Variants in SPCS1 observed in about 807,000 individuals in gnomAD.
The protein encoded by SPCS1 is SPase 12 kDa subunit.
SPCS1 carries 10 observed loss-of-function variants against 16.4 expected under a neutral mutation model. The ratio of observed to expected loss-of-function variants is 0.61; its 90% CI spans 0.38 to 1.03. The LOEUF is 1.03. Ranked by LOEUF, SPCS1 falls within the 50% of genes least tolerant of loss-of-function variation. The pLI is 0.01. For synonymous variants in SPCS1, 47 were observed against 42.5 expected (o/e 1.10, Z -0.41); for missense variants, 118 against 123.8 (o/e 0.95, Z 0.22).
chr3:52,707,565 A>ATT (rs34636695), intron 3 of SPCS1, 122 bp from the exon 4 acceptor site: 35 of 898,122 alleles, frequency 3.9e-5, no homozygotes, highest in South Asian at 3.5e-4. Context: ...AGGAATATGG[A>ATT]TTTTTTTTTT....
chr3:52,706,331 G>A (rs1482986441), intron 1 of SPCS1, 49 bp downstream of exon 1: 1 of 1,564,462 alleles, frequency 6.4e-7, no homozygotes, highest in Admixed American at 1.7e-5. Flanking sequence ...GTGCCTGGCA[G>A]CTTCGAAGCC....
chr3:52,708,878 C>T lies in SPCS1; in HGVS notation c.*1066C>T, dbSNP rs1425102166. On this transcript the variant is annotated 3_prime_UTR_variant, in exon 4 of 4. Transcript: ENST00000619898. ...AAATCAAAACTTCTAAAAGAGAAAA[C>T]CGAAATCAGAATTACTGACACTTTA... is the stretch of plus-strand genomic sequence containing the variant. 1.3e-5 allele frequency: 2 copies of T among 152,162 alleles called. No homozygotes were observed. Among genetic ancestry groups the T allele is most frequent in the South Asian group, 2.1e-4 (1 of 4,822 alleles). 9.4% of individuals were successfully genotyped at this position (152,162 alleles called of 1,614,324 possible).
At position 52,710,899 on chromosome 3, in the gene SPCS1, T is replaced by C. The variant is rs1001421654; in HGVS notation, c.*3087T>C. On this transcript the variant is annotated 3_prime_UTR_variant, in exon 4 of 4. Coordinates refer to ENST00000619898, the MANE Select transcript of SPCS1 (RefSeq NM_014041.5). ...TTCCTAGATGGGTATTACCTCTTATTAAACAACTAATAAAATATGTGCTAT... is the reference window on the plus strand; with the variant it reads ...TTCCTAGATGGGTATTACCTCTTATCAAACAACTAATAAAATATGTGCTAT... The C allele has an allele frequency of 6.6e-6, 1 of 152,476 alleles. No individual in the cohort carries two copies. Among genetic ancestry groups the C allele is most frequent in the African/African-American group, 2.4e-5 (1 of 41,466 alleles). 9.4% of individuals were successfully genotyped at this position (152,476 alleles called of 1,614,324 possible).
chr3:52,709,772 A>ATACAT lies in SPCS1; in HGVS notation c.*1963_*1967dup, dbSNP rs1453783933. 6.6e-6 allele frequency: 1 copy of ATACAT among 151,950 alleles called. No individual in the cohort carries two copies. The highest frequency in any genetic ancestry group is 1.9e-4 in the East Asian group (1 of 5,198). 9.4% of individuals were successfully genotyped at this position (151,950 alleles called of 1,614,324 possible). ...CTAATAAAATACCTACTTTATACCA[A>ATACAT]TACATTAGAAAAATTAAGTAAAACT... On this transcript the variant is annotated 3_prime_UTR_variant, in exon 4 of 4. Transcript: ENST00000619898.
rs1161375216 is a variant in SPCS1, at chr3:52,707,758, A to T, written c.255A>T (p.Thr85=). ...LKWLPVQESS[T]DDKKPGERKI... ...GGTTACCTGTTCAAGAATCAAGCAC[A>T]GACGACAAGAAACCAGGGGAAAGAA... is the stretch of plus-strand genomic sequence containing the variant. Residue 85 remains threonine, a synonymous_variant, in exon 4 of 4, where the codon ACA becomes ACT. Coordinates refer to ENST00000619898, the MANE Select transcript of SPCS1 (RefSeq NM_014041.5). 6.2e-7 allele frequency: 1 copy of T among 1,614,058 alleles called. No homozygotes were observed. The highest frequency in any genetic ancestry group is 8.5e-7 in the Non-Finnish European group (1 of 1,180,038).
At chr3:52,707,147 G>A (rs932896656) in intron 3 of SPCS1, 1 of 386,726 alleles carries the variant, frequency 2.6e-6, no homozygotes, top group African/African-American at 2.1e-5. Flanking sequence ...TGCTCACGTT[G>A]TCCCTTCACC....
At chr3:52,706,928 T>C in intron 3 of SPCS1, 49 bp downstream of exon 3, 1 of 1,415,722 alleles carries the variant, frequency 7.1e-7, no homozygotes, top group African/African-American at 1.4e-5. Context: ...GTGAGTCGGG[T>C]TGGTTTGGTT....
intron 1 of SPCS1, 131 bp downstream of exon 1, chr3:52,706,413 T>G: frequency 9.7e-7 from 1 of 1,028,192 alleles, no homozygotes; most frequent in Non-Finnish European, 1.4e-6. Flanking sequence ...CTTTCCCGAA[T>G]TGCCTCCTGG....
chr3:52,706,940 G>C (rs1002695285), intron 3 of SPCS1, 61 bp downstream of exon 3: 2 of 1,208,704 alleles, frequency 1.7e-6, no homozygotes, highest in South Asian at 2.4e-5. Flanking sequence ...GGTTTGGTTA[G>C]ACCTACTCAG....
rs2097347270 is a variant in SPCS1, at chr3:52,708,684, C to T, written c.*872C>T. ...AATAGACAAGTGATTTTGTATTTAA[C>T]ATTTCACCTTTATTGAATGCCTATA... is the stretch of plus-strand genomic sequence containing the variant. On this transcript the variant is annotated 3_prime_UTR_variant, in exon 4 of 4. Coordinates refer to ENST00000619898, the MANE Select transcript of SPCS1 (RefSeq NM_014041.5). The T allele has an allele frequency of 1.3e-5, 2 of 151,966 alleles. No individual in the cohort carries two copies. The highest frequency in any genetic ancestry group is 4.8e-5 in the African/African-American group (2 of 41,380). The allele number at this position is 151,966 out of a possible 1,614,324, so 9.4% of individuals were successfully genotyped here.
Position 52,708,905 on chromosome 3 carries a change from G to A in SPCS1, c.*1093G>A, listed in dbSNP as rs1183358079. 1 of 152,140 alleles carries A rather than the reference G, an allele frequency of 6.6e-6. No individual in the cohort carries two copies. Among genetic ancestry groups the A allele is most frequent in the Non-Finnish European group, 1.5e-5 (1 of 68,044 alleles). The allele number at this position is 152,140 out of a possible 1,614,324, so 9.4% of individuals were successfully genotyped here. On this transcript the variant is annotated 3_prime_UTR_variant, in exon 4 of 4. Coordinates refer to ENST00000619898, the MANE Select transcript of SPCS1 (RefSeq NM_014041.5). ...GAAATCAGAATTACTGACACTTTAG[G>A]CCAGGCATGGTGCCTCAAGCCTGTA... is the stretch of plus-strand genomic sequence containing the variant.
At position 52,706,787 on chromosome 3, in the gene SPCS1, C is replaced by G. The variant is rs750515311; in HGVS notation, c.97-6C>G. ...AGTGTGTTTAATATACTTCATTTGTCTCTAGATAGTTGGATTTATCTACGG... is the reference window on the plus strand; with the variant it reads ...AGTGTGTTTAATATACTTCATTTGTGTCTAGATAGTTGGATTTATCTACGG... On this transcript the variant is annotated splice_region_variant and splice_polypyrimidine_tract_variant and intron_variant, in intron 2 of 3. Transcript: ENST00000619898. 2 of 1,613,338 alleles carry G rather than the reference C, an allele frequency of 1.2e-6. No homozygotes were observed. Among genetic ancestry groups the G allele is most frequent in the Admixed American group, 3.3e-5 (2 of 60,018 alleles).
At chr3:52,707,574 TTTG>T (rs1553913314) in intron 3 of SPCS1, 110 bp from the exon 4 acceptor site, 1 of 1,136,546 alleles carries the variant, frequency 8.8e-7, no homozygotes, top group Non-Finnish European at 1.3e-6. Context: ...GATTTTTTTT[TTTG>T]TTTTTTTGTT....
At position 52,707,521 on chromosome 3, in the gene SPCS1, G is replaced by A. The variant is rs148763875; in HGVS notation, c.184-166G>A. On this transcript the variant is annotated intron_variant, in intron 3 of 3. Coordinates refer to ENST00000619898, the MANE Select transcript of SPCS1 (RefSeq NM_014041.5). Reference sequence around the variant, plus strand: ...GTGAGCCTGTTCCCATCATCATACAGTATTTTGCATGGATGGTGGCACAGA... The same window carrying A: ...GTGAGCCTGTTCCCATCATCATACAATATTTTGCATGGATGGTGGCACAGA... The A allele has an allele frequency of 1.0e-3, 688 of 661,040 alleles. 1 individual carries two copies. The African/African-American group carries it at 0.012, about 11-fold the overall frequency. The allele number at this position is 661,040 out of a possible 1,614,324, so 40.9% of individuals were successfully genotyped here.
chr3:52,707,096 G>A, intron 3 of SPCS1: 1 of 552,424 alleles, frequency 1.8e-6, no homozygotes, highest in Admixed American at 3.3e-5. Context: ...GGCTACTCTG[G>A]CTAATAATCT....
rs759543942 is a variant in SPCS1, at chr3:52,707,776, G to A, written c.273G>A (p.Gly91=). Residue 91 remains glycine, a synonymous_variant, in exon 4 of 4, where the codon GGG becomes GGA. Transcript: ENST00000619898. Reference sequence around the variant, plus strand: ...CAAGCACAGACGACAAGAAACCAGGGGAAAGAAAAATTAAGAGGCATGCTA... The same window carrying A: ...CAAGCACAGACGACAAGAAACCAGGAGAAAGAAAAATTAAGAGGCATGCTA... ...QESSTDDKKP[G]ERKIKRHAKN... 3 of 1,614,014 alleles carry A rather than the reference G, an allele frequency of 1.9e-6. No homozygotes were observed. Among genetic ancestry groups the A allele is most frequent in the Non-Finnish European group, 1.7e-6 (2 of 1,180,002 alleles).
In SPCS1 at chr3:52,708,967, C is replaced by T. The variant is rs2097347542; in HGVS notation, c.*1155C>T. Reference sequence around the variant, plus strand: ...TAGGGAGGCCAAGGCAGGCAGATCACCTGAGGTCAGGAGTTCAAGACCAGC... The same window carrying T: ...TAGGGAGGCCAAGGCAGGCAGATCATCTGAGGTCAGGAGTTCAAGACCAGC... On this transcript the variant is annotated 3_prime_UTR_variant, in exon 4 of 4. Transcript: ENST00000619898. 1 of 152,092 alleles carries T rather than the reference C, an allele frequency of 6.6e-6. No individual in the cohort carries two copies. The highest frequency in any genetic ancestry group is 1.5e-5 in the Non-Finnish European group (1 of 68,046). The allele number at this position is 152,092 out of a possible 1,614,324, so 9.4% of individuals were successfully genotyped here. A position where few individuals can be genotyped will look rare whatever the true frequency, so the allele number is the denominator to read the frequency against.
intron 3 of SPCS1, 130 bp downstream of exon 3, chr3:52,707,009 T>C: frequency 2.7e-6 from 2 of 740,598 alleles, no homozygotes; most frequent in Non-Finnish European, 4.8e-6. Flanking sequence ...CCCTTTGCTA[T>C]CATTGGAAAA....
rs1411790820 is a variant in SPCS1, at chr3:52,710,134, G to C, written c.*2322G>C. ...TCCCAGCACTTTGGGAGGCCGAGGC[G>C]GGCAGATCACGAGGTCAGGAGATTG... On this transcript the variant is annotated 3_prime_UTR_variant, in exon 4 of 4. Coordinates refer to ENST00000619898, the MANE Select transcript of SPCS1 (RefSeq NM_014041.5). 3 of 152,080 alleles carry C rather than the reference G, an allele frequency of 2.0e-5. No homozygotes were observed. Among genetic ancestry groups the C allele is most frequent in the African/African-American group, 7.2e-5 (3 of 41,400 alleles). The allele number at this position is 152,080 out of a possible 1,614,324, so 9.4% of individuals were successfully genotyped here.
Sources: allele counts gnomAD v4.1 joint callset, GRCh38; gene constraint gnomAD v4.1.1; transcripts MANE v1.5; gene names NCBI Gene and HGNC (gene_info 2026-07-23, HGNC 2026-07-21).